CTBP2: variants seen among roughly 807,000 people sequenced by gnomAD.
CTBP2 encodes C-terminal-binding protein 2.
CTBP2 carries 30 observed loss-of-function variants against 80.3 expected under a neutral mutation model. The ratio of observed to expected loss-of-function variants is 0.37; its 90% CI spans 0.28 to 0.51. The LOEUF is 0.51. CTBP2 is among the 20% of genes least tolerant of loss of function. CTBP2 has a pLI of 0.93. For missense variants in CTBP2, 1,212 were observed against 1,375.3 expected, an observed-to-expected ratio of 0.88 and a Z score of 1.88; for synonymous variants, 594 against 587.4, an observed-to-expected ratio of 1.01 and a Z score of -0.16.
intron 1 of CTBP2, among the ~76,000 whole-genome samples, chr10:125,119,059 C>T (rs996574741): frequency 6.6e-6 from 1 of 152,162 alleles, no homozygotes; most frequent in Non-Finnish European, 1.5e-5. Context: ...GATAGGGTGA[C>T]CAAGAGGGGT....
chr10:125,098,668 G>T (rs922251976), intron 2 of CTBP2, among the ~76,000 whole-genome samples: 4 of 85,676 alleles, frequency 4.7e-5, no homozygotes, highest in African/African-American at 2.1e-4. Context: ...GAGAGAGAGA[G>T]AGAGAGAGAG....
Position 124,993,254 on chromosome 10 carries a change from C to G in CTBP2, c.2607G>C (p.Ala869=). 2 of 1,606,386 alleles carry G rather than the reference C, an allele frequency of 1.2e-6. No individual in the cohort carries two copies. Among genetic ancestry groups the G allele is most frequent in the Non-Finnish European group, 1.7e-6 (2 of 1,173,974 alleles). Residue 869 remains alanine, a synonymous_variant, in exon 7 of 9, where the codon GCG becomes GCC. Coordinates refer to ENST00000309035, the MANE Select transcript of CTBP2 (RefSeq NM_022802.3). ...CAGCTGCCTCCCTCATCTCCAGTGACGCCTGCTCACTGTACCAGGCAGTGT... is the reference window on the plus strand; with the variant it reads ...CAGCTGCCTCCCTCATCTCCAGTGAGGCCTGCTCACTGTACCAGGCAGTGT...
intron 2 of CTBP2, among the ~76,000 whole-genome samples, chr10:125,098,768 G>GAGAC (rs1564915017): frequency 1.1e-3 from 146 of 138,516 alleles, no homozygotes; most frequent in Non-Finnish European, 1.5e-3. Flanking sequence ...GAGAGAGAGA[G>GAGAC]AGAGAGAGAG....
At chr10:125,049,046 G>GACAGACACACACACACACAC (rs1962004928) in intron 2 of CTBP2, among the ~76,000 whole-genome samples, 1 of 89,662 alleles carries the variant, frequency 1.1e-5, no homozygotes, top group African/African-American at 4.1e-5. Context: ...CCTGACCACA[G>GACAGACACACACACACACAC]ACACACACAC....
At chr10:125,138,522 A>G (rs1857302687) in intron 1 of CTBP2, among the ~76,000 whole-genome samples, 1 of 152,146 alleles carries the variant, frequency 6.6e-6, no homozygotes, top group African/African-American at 2.4e-5. Flanking sequence ...GGACTGTGCT[A>G]AAAATAAGAT....
At chr10:125,000,489 G>C (rs1180492749) in intron 3 of CTBP2, 4 of 152,220 alleles carry the variant, frequency 2.6e-5, no homozygotes, top group Non-Finnish European at 5.9e-5. Flanking sequence ...CATGACTGCC[G>C]CTGGCAAGGA....
chr10:125,006,390 G>A (rs1398698724), intron 1 of CTBP2, among the ~76,000 whole-genome samples: 1 of 152,142 alleles, frequency 6.6e-6, no homozygotes, highest in East Asian at 1.9e-4. Flanking sequence ...CCAAGCCCTG[G>A]GCATGAGAGC....
chr10:125,083,952 G>A (rs1449405625), intron 2 of CTBP2, among the ~76,000 whole-genome samples: 1 of 152,090 alleles, frequency 6.6e-6, no homozygotes, highest in Non-Finnish European at 1.5e-5. Flanking sequence ...GCTGATTTTT[G>A]TATTCTTTAG....
Position 125,016,920 on chromosome 10 carries a change from G to A in CTBP2, c.1678+9162C>T, listed in dbSNP as rs193093906. On this transcript the variant is annotated intron_variant, in intron 1 of 8. Transcript: ENST00000309035. ...ATAGGCAAATCCCCAGTGGGGAAAC[G>A]TGTTGGGTTGAGAGGCCAGAGGTCA... Among the ~76,000 whole-genome samples, 1,228 of 152,336 alleles carry A rather than the reference G, an allele frequency of 8.1e-3. 7 individuals carry two copies. The highest frequency in any genetic ancestry group is 0.014 in the Non-Finnish European group (928 of 68,040).
At chr10:124,994,016 C>A (rs376861161) in intron 5 of CTBP2, 31 bp from the exon 8 acceptor site, 33 of 1,612,702 alleles carry the variant, frequency 2.0e-5, no homozygotes, top group African/African-American at 4.0e-5. Flanking sequence ...CGGTTACAGG[C>A]ACACTGGCAT....
At chr10:125,146,362 CCT>C (rs1858774585) in intron 1 of CTBP2, among the ~76,000 whole-genome samples, 1 of 151,884 alleles carries the variant, frequency 6.6e-6, no homozygotes, top group Non-Finnish European at 1.5e-5. Context: ...CTTACTGCAA[CCT>C]CTGTCTCCAG....
intron 2 of CTBP2, among the ~76,000 whole-genome samples, chr10:125,089,302 C>T (rs867592604): frequency 6.6e-6 from 1 of 152,096 alleles, no homozygotes; most frequent in Non-Finnish European, 1.5e-5. Context: ...TTCTAAAGTA[C>T]CAGAGGTTGA....
intron 2 of CTBP2, among the ~76,000 whole-genome samples, chr10:125,073,275 C>T (rs1290660374): frequency 3.3e-5 from 5 of 152,288 alleles, no homozygotes; most frequent in South Asian, 2.1e-4. Flanking sequence ...CTCCCTCTGT[C>T]GCCAGGCTGG....
intron 1 of CTBP2, among the ~76,000 whole-genome samples, chr10:125,118,193 C>T (rs546677077): frequency 6.6e-6 from 1 of 150,534 alleles, no homozygotes; most frequent in Non-Finnish European, 1.5e-5. Flanking sequence ...GACCATTCCC[C>T]TGCTCTTTCA....
rs1951985783 is a variant in CTBP2, at chr10:124,984,469, A to G, written c.*5049T>C. Reference sequence around the variant, plus strand: ...GTAAACTTACCTTGTCATGTGTTTGAAGCTGTGGCTTGCCAGGATCAGTTT... The same window carrying G: ...GTAAACTTACCTTGTCATGTGTTTGGAGCTGTGGCTTGCCAGGATCAGTTT... On this transcript the variant is annotated 3_prime_UTR_variant, in exon 9 of 9. Transcript: ENST00000309035. 3.3e-6 allele frequency: 1 copy of G among 305,882 alleles called. No homozygotes were observed. Among genetic ancestry groups the G allele is most frequent in the Admixed American group, 4.7e-5 (1 of 21,336 alleles). 18.9% of individuals were successfully genotyped at this position (305,882 alleles called of 1,614,324 possible). A position where few individuals can be genotyped will look rare whatever the true frequency, so the allele number is the denominator to read the frequency against.
At chr10:124,994,770 G>T in intron 4 of CTBP2, 87 bp from the exon 7 acceptor site, 1 of 1,347,482 alleles carries the variant, frequency 7.4e-7, no homozygotes, top group Non-Finnish European at 1.0e-6. Context: ...CTGAGTCCGG[G>T]CTTGGCATCC....
intron 8 of CTBP2, among the ~76,000 whole-genome samples, chr10:124,992,209 C>CTTTTTTTT (rs61400691): frequency 7.8e-5 from 8 of 102,490 alleles, no homozygotes; most frequent in Non-Finnish European, 1.5e-4. Context: ...TTGAGAAGCC[C>CTTTTTTTT]TTTTTTTTTT....
At chr10:125,104,234 G>A (rs1051238137) in intron 2 of CTBP2, among the ~76,000 whole-genome samples, 1 of 152,138 alleles carries the variant, frequency 6.6e-6, no homozygotes, top group Non-Finnish European at 1.5e-5. Context: ...CTGTGCGGGC[G>A]CCATTGTTGT....
chr10:125,012,270 C>T (rs543633715), intron 1 of CTBP2, among the ~76,000 whole-genome samples: 111 of 152,334 alleles, frequency 7.3e-4, no homozygotes, highest in African/African-American at 2.6e-3. Context: ...ACATCCAAGC[C>T]TGAGGAGCAA....
Sources: gnomAD v4.1 joint callset for allele counts (sites outside exome capture counted in the v4.1 genomes callset) on GRCh38, gnomAD v4.1.1 for gene constraint, MANE v1.5 for transcripts, NCBI Gene and HGNC (gene_info 2026-07-23, HGNC 2026-07-21) for gene names.